The following BIRC6 variants were observed in gnomAD, a reference collection of about 807,000 sequenced individuals.
The protein encoded by BIRC6 is dual E2 ubiquitin-conjugating enzyme/E3 ubiquitin-protein ligase BIRC6.
In BIRC6, 98 loss-of-function variants were observed where a neutral mutation model predicts 503.3. The ratio of observed to expected loss-of-function variants is 0.19; its 90% confidence interval spans 0.17 to 0.23. The LOEUF is 0.23. BIRC6 is among the 10% of genes least tolerant of loss of function. The pLI, the probability that BIRC6 is intolerant of heterozygous loss-of-function variation, is 1.00. For synonymous variants in BIRC6, 2,240 were observed against 2,078.7 expected (o/e 1.08, Z -2.11); for missense variants, 5,360 against 5,806.0 (o/e 0.92, Z 2.50).
At chr2:32,431,432 G>A (rs2044112456) in intron 12 of BIRC6, among the ~76,000 whole-genome samples, 2 of 151,982 alleles carry the variant, frequency 1.3e-5, no homozygotes, top group African/African-American at 4.8e-5. Flanking sequence ...CTGATCTCAG[G>A]TGATCCACCT....
chr2:32,495,311 A>C (rs1025763321), intron 45 of BIRC6, among the ~76,000 whole-genome samples: 1 of 152,172 alleles, frequency 6.6e-6, no homozygotes, highest in Non-Finnish European at 1.5e-5. Flanking sequence ...TCTCCACCTC[A>C]CTTCACCACA....
chr2:32,512,636 G>A (rs1277858108), intron 53 of BIRC6, among the ~76,000 whole-genome samples: 9 of 152,108 alleles, frequency 5.9e-5, no homozygotes, highest in South Asian at 2.1e-4. Flanking sequence ...GAAACGTGCT[G>A]TATTTCATGA....
In BIRC6 at chr2:32,414,837, C is replaced by A; in HGVS notation, c.1546C>A (p.Pro516Thr). ...AACAGCACTCAGCATTCTCCAACAG[C>A]CAGAAAAACTTCAGTGGGAGATTGT... ...DITALSILQQ[P>T]EKLQWEIVAN... The change falls in exon 10 of 74, where the codon CCA (proline) becomes ACA (threonine). Residue 516 changes from proline to threonine, a missense_variant. Coordinates refer to ENST00000421745, the MANE Select transcript of BIRC6 (RefSeq NM_016252.4). The A allele has an allele frequency of 6.2e-7, 1 of 1,613,896 alleles. No individual in the cohort carries two copies. Among genetic ancestry groups the A allele is most frequent in the African/African-American group, 1.3e-5 (1 of 75,008 alleles).
chr2:32,397,953 C>T (rs1226242226), intron 6 of BIRC6, among the ~76,000 whole-genome samples: 1 of 151,974 alleles, frequency 6.6e-6, no homozygotes, highest in African/African-American at 2.4e-5. Context: ...ATTCCTCAAA[C>T]ACTCAAGAAG....
intron 34 of BIRC6, 146 bp from the exon 35 acceptor site, chr2:32,477,222 C>T (rs1392339467): frequency 6.0e-6 from 4 of 670,948 alleles, no homozygotes; most frequent in Non-Finnish European, 9.9e-6. Context: ...TTTTAATATT[C>T]TTACTTTTGA....
chr2:32,556,753 G>A (rs2058808329), intron 65 of BIRC6, among the ~76,000 whole-genome samples: 3 of 151,972 alleles, frequency 2.0e-5, no homozygotes, highest in Non-Finnish European at 2.9e-5. Context: ...GTTCGAGCCC[G>A]GCCTGGCCAA....
chr2:32,555,897 C>CA (rs2058738394), intron 65 of BIRC6, among the ~76,000 whole-genome samples: 1 of 132,680 alleles, frequency 7.5e-6, no homozygotes, highest in South Asian at 2.3e-4. Flanking sequence ...GCCTGGGTGT[C>CA]AGAGTAGACC....
At chr2:32,369,743 C>T (rs1024862023) in intron 1 of BIRC6, among the ~76,000 whole-genome samples, 9 of 150,748 alleles carry the variant, frequency 6.0e-5, no homozygotes, top group African/African-American at 2.0e-4. Context: ...GATTTACAGA[C>T]GGTTAAGGGT....
rs186366415 is a variant in BIRC6 at position 32,520,057 on chromosome 2, A to T, written c.11623+1111A>T. Among the ~76,000 whole-genome samples the T allele has an allele frequency of 1.2e-3, 180 of 152,356 alleles. 1 individual carries two copies. The highest frequency in any genetic ancestry group is 2.3e-3 in the Non-Finnish European group (154 of 68,036). On this transcript the variant is annotated intron_variant, in intron 57 of 73. Coordinates refer to ENST00000421745, the MANE Select transcript of BIRC6 (RefSeq NM_016252.4). ...CATGAATATAAGTAGATATATTTCT[A>T]TCTGTATACATAAGAAGGGACCTAA...
intron 66 of BIRC6, chr2:32,590,798 T>A: frequency 5.1e-6 from 5 of 985,878 alleles, no homozygotes; most frequent in Non-Finnish European, 6.0e-6. Flanking sequence ...TTCCTCGTAT[T>A]TCTTCAGGGC....
intron 31 of BIRC6, among the ~76,000 whole-genome samples, chr2:32,470,799 C>T (rs1247130040): frequency 6.6e-6 from 1 of 152,106 alleles, no homozygotes; most frequent in Non-Finnish European, 1.5e-5. Flanking sequence ...TGTTCTTATA[C>T]CTTGAAGTCT....
intron 1 of BIRC6, among the ~76,000 whole-genome samples, chr2:32,369,945 A>AAAAAT (rs1553373676): frequency 1.4e-4 from 6 of 44,216 alleles, no homozygotes; most frequent in Non-Finnish European, 2.2e-4. Context: ...AAAAAAAAAA[A>AAAAAT]ATATATATAT....
At chr2:32,494,069 AAAT>A (rs1572605627) in intron 45 of BIRC6, among the ~76,000 whole-genome samples, 1 of 152,316 alleles carries the variant, frequency 6.6e-6, no homozygotes, top group East Asian at 1.9e-4. Flanking sequence ...TAGAAATTCT[AAAT>A]AAATTTATTA....
intron 62 of BIRC6, among the ~76,000 whole-genome samples, chr2:32,545,232 G>A (rs999912279): frequency 6.6e-6 from 1 of 151,960 alleles, no homozygotes; most frequent in Non-Finnish European, 1.5e-5. Context: ...AACACTGTTG[G>A]GAAAAAAATA....
chr2:32,463,881 A>C (rs2048257924), intron 24 of BIRC6, among the ~76,000 whole-genome samples: 1 of 152,190 alleles, frequency 6.6e-6, no homozygotes, highest in Admixed American at 6.5e-5. Flanking sequence ...TGGGCAAGCA[A>C]GCACCACCTG....
chr2:32,472,764 GT>G (rs1356421895), intron 32 of BIRC6, among the ~76,000 whole-genome samples: 4 of 152,146 alleles, frequency 2.6e-5, no homozygotes, highest in African/African-American at 4.8e-5. Flanking sequence ...AAGCGTCTGT[GT>G]TTGAAATAGG....
At chr2:32,458,248 A>G (rs1212855981) in intron 23 of BIRC6, among the ~76,000 whole-genome samples, 1 of 151,994 alleles carries the variant, frequency 6.6e-6, no homozygotes, top group Non-Finnish European at 1.5e-5. Flanking sequence ...ATGTTTCTAC[A>G]TGTGGTTTCA....
At chr2:32,509,542 C>T (rs1049943726) in intron 51 of BIRC6, 196 bp from the exon 52 acceptor site, 5 of 622,324 alleles carry the variant, frequency 8.0e-6, no homozygotes, top group Non-Finnish European at 1.3e-5. Context: ...TGTTAGCCAC[C>T]GTGCCTGGCC....
chr2:32,431,345 A>G (rs892777735), intron 12 of BIRC6, among the ~76,000 whole-genome samples: 10 of 151,418 alleles, frequency 6.6e-5, no homozygotes, highest in Non-Finnish European at 1.2e-4. Context: ...ACAGGTGCGC[A>G]TCACCACGTC....
Sources: gnomAD v4.1 joint callset for allele counts (sites outside exome capture counted in the v4.1 genomes callset) on GRCh38, gnomAD v4.1.1 for gene constraint, MANE v1.5 for transcripts, NCBI Gene and HGNC (gene_info 2026-07-23, HGNC 2026-07-21) for gene names.